The following TMEM45A variants were observed in gnomAD, a reference collection of about 807,000 sequenced individuals.
TMEM45A encodes DNA polymerase-transactivated protein 4.
A neutral mutation model predicts 32.0 loss-of-function variants in TMEM45A; 25 were observed. The ratio of observed to expected loss-of-function variants is 0.78; its 90% confidence interval spans 0.57 to 1.09. TMEM45A has a LOEUF of 1.09. TMEM45A is among the 50% of genes least tolerant of loss of function. The pLI is 0.00. For missense variants in TMEM45A, 302 were observed against 325.0 expected (o/e 0.93, Z 0.54); for synonymous variants, 122 against 114.8 (o/e 1.06, Z -0.40).
chr3:100,509,323 A>C (rs887802721), intron 1 of TMEM45A, among the ~76,000 whole-genome samples: 1 of 152,238 alleles, frequency 6.6e-6, no homozygotes, highest in African/African-American at 2.4e-5. Context: ...GAACTCTTAC[A>C]CATTGTTGGT....
At chr3:100,525,618 T>C (rs1705527655) in intron 1 of TMEM45A, among the ~76,000 whole-genome samples, 1 of 152,250 alleles carries the variant, frequency 6.6e-6, no homozygotes, top group South Asian at 2.1e-4. Context: ...GACACATTTG[T>C]GCTGTGCCTT....
intron 5 of TMEM45A, among the ~76,000 whole-genome samples, chr3:100,570,410 G>T (rs1298960611): frequency 6.6e-6 from 1 of 152,218 alleles, no homozygotes; most frequent in East Asian, 1.9e-4. Context: ...CTAGCTCTCA[G>T]CTATCTCTGT....
intron 2 of TMEM45A, 66 bp from the exon 3 acceptor site, chr3:100,556,694 C>T: frequency 3.6e-6 from 5 of 1,405,692 alleles, no homozygotes; most frequent in Non-Finnish European, 4.9e-6. Flanking sequence ...ATGGACTAGT[C>T]CTCCTGCATC....
chr3:100,526,081 C>T (rs960372150), intron 1 of TMEM45A, among the ~76,000 whole-genome samples: 9 of 152,320 alleles, frequency 5.9e-5, no homozygotes, highest in African/African-American at 1.9e-4. Flanking sequence ...GTTTCCTTGC[C>T]TCCAGCGTCT....
chr3:100,572,514 G>A (rs1706585972), intron 5 of TMEM45A: 1 of 150,910 alleles, frequency 6.6e-6, no homozygotes, highest in Non-Finnish European at 1.5e-5. Flanking sequence ...TTTGTCAGAT[G>A]AGTAGGTTGT....
chr3:100,554,431 G>T (rs981642689), intron 1 of TMEM45A, among the ~76,000 whole-genome samples: 22 of 152,178 alleles, frequency 1.4e-4, no homozygotes, highest in African/African-American at 5.3e-4. Flanking sequence ...CCACACCAAG[G>T]TTGCCCAGGC....
chr3:100,539,438 T>TATGCATATGC lies in TMEM45A; in HGVS notation c.-3-15769_-3-15768insGCATATGCAT, dbSNP rs1453426235. Among the ~76,000 whole-genome samples, 1,066 of 108,728 alleles carry TATGCATATGC rather than the reference T, an allele frequency of 9.8e-3. 56 individuals are homozygous for TATGCATATGC. The highest frequency in any genetic ancestry group is 0.022 in the South Asian group (68 of 3,112). The allele number at this position is 108,728 out of a possible 152,430, so 71.3% of individuals were successfully genotyped here. ...GAGAAACAGAACCCAATAGGATATG[T>TATGCATATGC]ATATGTATATGTATATGTATATGTA... is the stretch of plus-strand genomic sequence containing the variant. On this transcript the variant is annotated intron_variant, in intron 1 of 5. Transcript: ENST00000323523.
intron 1 of TMEM45A, among the ~76,000 whole-genome samples, chr3:100,514,317 C>G (rs1423240758): frequency 6.6e-6 from 1 of 152,026 alleles, no homozygotes; most frequent in Non-Finnish European, 1.5e-5. Flanking sequence ...TCAGAAATAA[C>G]GCCACATATC....
intron 1 of TMEM45A, among the ~76,000 whole-genome samples, chr3:100,549,045 C>G (rs1008400367): frequency 6.6e-5 from 10 of 151,986 alleles, no homozygotes; most frequent in African/African-American, 2.2e-4. Context: ...GTCAGGAGTT[C>G]GAGACCAGCC....
intron 1 of TMEM45A, among the ~76,000 whole-genome samples, chr3:100,521,269 T>C (rs559449462): frequency 6.6e-6 from 1 of 152,002 alleles, no homozygotes; most frequent in Non-Finnish European, 1.5e-5. Flanking sequence ...CCCTTTCTTT[T>C]TTTTTTGAGA....
intron 5 of TMEM45A, chr3:100,572,455 T>C (rs987183013): frequency 2.6e-5 from 4 of 151,964 alleles, no homozygotes; most frequent in African/African-American, 9.7e-5. Flanking sequence ...TTGTTTGTTT[T>C]TTTCTTGTAA....
chr3:100,542,947 A>T (rs565299438), intron 1 of TMEM45A, among the ~76,000 whole-genome samples: 2 of 152,284 alleles, frequency 1.3e-5, no homozygotes, highest in Admixed American at 6.5e-5. Flanking sequence ...TGCTTAGTAC[A>T]TGGGTGATGG....
chr3:100,502,903 T>C (rs1455362672), intron 1 of TMEM45A, among the ~76,000 whole-genome samples: 1 of 151,970 alleles, frequency 6.6e-6, no homozygotes, highest in Admixed American at 6.6e-5. Flanking sequence ...GAAGACAGAG[T>C]GAAAAGGGAG....
chr3:100,506,659 C>A (rs1195182533), intron 1 of TMEM45A, among the ~76,000 whole-genome samples: 2 of 152,320 alleles, frequency 1.3e-5, no homozygotes, highest in East Asian at 3.9e-4. Context: ...GTGTTTGACA[C>A]CTTCAACCTT....
chr3:100,562,588 T>C (rs561745658), intron 4 of TMEM45A, among the ~76,000 whole-genome samples: 1 of 152,310 alleles, frequency 6.6e-6, no homozygotes, highest in South Asian at 2.1e-4. Flanking sequence ...GATTTTATTT[T>C]GGAGGCTTCA....
chr3:100,567,518 CAA>C (rs780009246), intron 4 of TMEM45A, among the ~76,000 whole-genome samples: 5 of 63,492 alleles, frequency 7.9e-5, no homozygotes, highest in African/African-American at 1.7e-4. Context: ...ACCATTTCTG[CAA>C]AAAAAAAAAA....
chr3:100,522,342 T>G (rs777279687), intron 1 of TMEM45A, among the ~76,000 whole-genome samples: 70 of 152,328 alleles, frequency 4.6e-4, no homozygotes, highest in Non-Finnish European at 8.4e-4. Context: ...TGCACCTTTG[T>G]TGACAGTCTG....
At position 100,568,839 on chromosome 3, in the gene TMEM45A, T is replaced by TC. The variant is rs1401023369; in HGVS notation, c.612dup (p.Ser205GlnfsTer12). The TC allele has an allele frequency of 3.1e-6, 5 of 1,611,824 alleles. No homozygotes were observed. Among genetic ancestry groups the TC allele is most frequent in the Middle Eastern group, 1.7e-4 (1 of 6,054 alleles). ...AATTACAGATTGGATTTGTCCTGTATCCCCCCAGTGGAGGTCCTGCATGGG... is the reference window on the plus strand; with the variant it reads ...AATTACAGATTGGATTTGTCCTGTATCCCCCCCAGTGGAGGTCCTGCATGGG... On this transcript the variant is annotated frameshift_variant, in exon 5 of 6. Coordinates refer to ENST00000323523, the MANE Select transcript of TMEM45A (RefSeq NM_018004.3). LOFTEE classifies it high-confidence loss of function.
intron 5 of TMEM45A, chr3:100,574,713 A>G (rs1192243742): frequency 6.6e-6 from 1 of 152,148 alleles, no homozygotes; most frequent in African/African-American, 2.4e-5. Flanking sequence ...GACCCTTTCC[A>G]TATTTCCCAC....
Sources: allele counts gnomAD v4.1 joint callset (sites outside exome capture counted in the v4.1 genomes callset), GRCh38; gene constraint gnomAD v4.1.1; transcripts MANE v1.5; gene names NCBI Gene and HGNC (gene_info 2026-07-23, HGNC 2026-07-21).